Variants in DISP1 observed in about 807,000 individuals in gnomAD.
The protein encoded by DISP1 is dispatched RND transporter family member 1, also known as protein dispatched homolog 1.
In DISP1, 30 loss-of-function variants were observed where a neutral mutation model predicts 37.3. The observed-to-expected ratio is 0.80, with a 90% CI of 0.60 to 1.09. DISP1 has a LOEUF of 1.09. Ranked by LOEUF, DISP1 falls within the 50% of genes least tolerant of loss-of-function variation. The pLI, the probability that DISP1 is intolerant of heterozygous loss-of-function variation, is 0.00. For synonymous variants in DISP1, 634 were observed against 690.2 expected (o/e 0.92, Z 1.28); for missense variants, 1,598 against 1,879.5 (o/e 0.85, Z 2.77).
At chr1:222,969,370 C>CAAAAAAAAA (rs71178518) in intron 3 of DISP1, among the ~76,000 whole-genome samples, 11,389 of 29,686 alleles carry the variant, frequency 0.38, 2,725 homozygotes, top group Non-Finnish European at 0.51. Flanking sequence ...AACTTGGTCT[C>CAAAAAAAAA]AAAAAAAAAA....
chr1:222,966,319 C>G (rs531808203), intron 3 of DISP1, among the ~76,000 whole-genome samples: 1 of 152,022 alleles, frequency 6.6e-6, no homozygotes, highest in East Asian at 1.9e-4. Context: ...AATAACAGTA[C>G]CAGTAGTAGT....
chr1:222,855,029 G>T (rs886773075), intron 1 of DISP1, among the ~76,000 whole-genome samples: 1 of 152,106 alleles, frequency 6.6e-6, no homozygotes, highest in African/African-American at 2.4e-5. Flanking sequence ...AAGGGCAGGG[G>T]TCTTATCCCC....
chr1:222,820,232 G>A (rs1003162791), intron 1 of DISP1, among the ~76,000 whole-genome samples: 4 of 152,146 alleles, frequency 2.6e-5, no homozygotes, highest in African/African-American at 9.7e-5. Flanking sequence ...GGTGGTATTC[G>A]GGCTATTCAG....
chr1:222,871,121 A>G (rs962581032), intron 1 of DISP1, among the ~76,000 whole-genome samples: 1 of 149,544 alleles, frequency 6.7e-6, no homozygotes, highest in Non-Finnish European at 1.5e-5. Context: ...CATTATTTCT[A>G]AGGGCTCTGT....
chr1:222,832,995 A>G (rs893773429), intron 1 of DISP1, among the ~76,000 whole-genome samples: 5 of 152,142 alleles, frequency 3.3e-5, no homozygotes, highest in African/African-American at 9.7e-5. Flanking sequence ...CACACCTTAA[A>G]TAAATCACAA....
chr1:222,978,611 A>G (rs1170300989), intron 3 of DISP1, among the ~76,000 whole-genome samples: 2 of 152,148 alleles, frequency 1.3e-5, no homozygotes, highest in Non-Finnish European at 2.9e-5. Context: ...TGTGTCCTGA[A>G]TGGTATTGCC....
rs146845986 is a variant in DISP1 at position 222,962,411 on chromosome 1, C to T, written c.509+19079C>T. Among the ~76,000 whole-genome samples the T allele has an allele frequency of 8.0e-3, 1,216 of 152,260 alleles. 21 individuals carry two copies. The highest frequency in any genetic ancestry group is 0.028 in the African/African-American group (1,152 of 41,548). ...ATCAAACTACCAGTGACATTCTTCA[C>T]AGAATTAGAAAAGACTACTTTAAAT... On this transcript the variant is annotated intron_variant, in intron 3 of 8. Coordinates refer to ENST00000675850, the MANE Select transcript of DISP1 (RefSeq NM_001377229.1).
chr1:222,909,478 C>T (rs571087755), intron 1 of DISP1, among the ~76,000 whole-genome samples: 1 of 152,260 alleles, frequency 6.6e-6, no homozygotes, highest in South Asian at 2.1e-4. Context: ...GACATGTTTG[C>T]ATATATGCAC....
chr1:222,910,280 C>T (rs987913101), intron 1 of DISP1, among the ~76,000 whole-genome samples: 4 of 151,982 alleles, frequency 2.6e-5, no homozygotes, highest in Non-Finnish European at 5.9e-5. Context: ...GAAGAATCAC[C>T]CGAGCTGGAG....
intron 1 of DISP1, among the ~76,000 whole-genome samples, chr1:222,857,321 G>C (rs1393404305): frequency 6.6e-6 from 1 of 151,866 alleles, no homozygotes; most frequent in East Asian, 1.9e-4. Context: ...AAAGATTGTA[G>C]ACTTTGGAAT....
intron 3 of DISP1, among the ~76,000 whole-genome samples, chr1:222,969,551 G>GTAACTTAGATTGCAATC (rs1676778645): frequency 6.6e-6 from 1 of 151,788 alleles, no homozygotes; most frequent in Non-Finnish European, 1.5e-5. Context: ...GCAATCTAAC[G>GTAACTTAGATTGCAATC]TAACGTAGTA....
chr1:222,970,382 G>A (rs559405201), intron 3 of DISP1, among the ~76,000 whole-genome samples: 16 of 152,048 alleles, frequency 1.1e-4, no homozygotes, highest in African/African-American at 1.7e-4. Context: ...GTCTCTAGCC[G>A]TTCACATAAA....
chr1:222,932,537 T>C (rs1488295644), intron 2 of DISP1, among the ~76,000 whole-genome samples: 3 of 151,982 alleles, frequency 2.0e-5, no homozygotes, highest in Non-Finnish European at 4.4e-5. Flanking sequence ...TTGACATCCC[T>C]GATTATAGAA....
intron 1 of DISP1, among the ~76,000 whole-genome samples, chr1:222,900,997 A>T (rs1671545899): frequency 6.6e-6 from 1 of 152,218 alleles, no homozygotes; most frequent in Non-Finnish European, 1.5e-5. Context: ...GATGAGAAGT[A>T]TTTGATGGTC....
At chr1:222,906,979 C>A (rs545446087) in intron 1 of DISP1, among the ~76,000 whole-genome samples, 1 of 152,120 alleles carries the variant, frequency 6.6e-6, no homozygotes, top group Non-Finnish European at 1.5e-5. Flanking sequence ...AAGATTTTGA[C>A]CTTGGTCTTT....
chr1:222,894,543 G>C (rs1039601190), intron 1 of DISP1, among the ~76,000 whole-genome samples: 1 of 152,242 alleles, frequency 6.6e-6, no homozygotes, highest in Non-Finnish European at 1.5e-5. Flanking sequence ...CGAGTGCTGG[G>C]AGCAGGGAGC....
In DISP1 at chr1:222,914,164, T is replaced by C. The variant is rs556029406; in HGVS notation, c.-158-14266T>C. The stretch of plus-strand genomic sequence containing the variant: ...GGATTTAAGTTTTTAAAAGAAACTT[T>C]GTCAAAATAAAAACTCCTTTAGGGA... On this transcript the variant is annotated intron_variant, in intron 1 of 8. Transcript: ENST00000675850. Among the ~76,000 whole-genome samples the C allele has an allele frequency of 3.3e-5, 5 of 152,250 alleles. No individual in the cohort carries two copies. The South Asian group carries it at 8.3e-4, about 25-fold the overall frequency.
chr1:222,867,328 A>G (rs1399713281), intron 1 of DISP1, among the ~76,000 whole-genome samples: 1 of 152,206 alleles, frequency 6.6e-6, no homozygotes, highest in South Asian at 2.1e-4. Context: ...ATTTTTAGAC[A>G]TGCTGCTTCA....
intron 2 of DISP1, among the ~76,000 whole-genome samples, chr1:222,929,188 A>G (rs1673245251): frequency 1.3e-5 from 2 of 152,092 alleles, no homozygotes; most frequent in South Asian, 4.1e-4. Flanking sequence ...TAAATGTTTC[A>G]TGCATTACAT....
Sources: gnomAD v4.1 joint callset for allele counts (sites outside exome capture counted in the v4.1 genomes callset) on GRCh38, gnomAD v4.1.1 for gene constraint, MANE v1.5 for transcripts, NCBI Gene and HGNC (gene_info 2026-07-23, HGNC 2026-07-21) for gene names.